CDH18: variants seen among roughly 807,000 people sequenced by gnomAD.
CDH18 encodes cadherin-18.
Under a neutral mutation model 67.9 loss-of-function variants are expected in CDH18, and 31 were observed. The ratio of observed to expected loss-of-function variants is 0.46; its 90% CI spans 0.34 to 0.62. The LOEUF is 0.62. CDH18 is among the 20% of genes least tolerant of loss of function. CDH18 has a pLI of 0.01. For missense variants in CDH18, 890 were observed against 975.5 expected (o/e 0.91, Z 1.17); for synonymous variants, 362 against 347.2 (o/e 1.04, Z -0.48).
chr5:20,105,355 A>C (rs1453937436), intron 2 of CDH18, among the ~76,000 whole-genome samples: 1 of 152,164 alleles, frequency 6.6e-6, no homozygotes, highest in Non-Finnish European at 1.5e-5. Context: ...GGAAAAGAAA[A>C]ACTTGAGAAA....
At chr5:20,472,141 G>A (rs1048638445) in intron 1 of CDH18, among the ~76,000 whole-genome samples, 5 of 152,226 alleles carry the variant, frequency 3.3e-5, no homozygotes, top group Middle Eastern at 3.4e-3. Context: ...CTTGACATGT[G>A]TTATCTTCTA....
intron 2 of CDH18, among the ~76,000 whole-genome samples, chr5:20,182,838 C>G (rs1486118668): frequency 6.6e-6 from 1 of 151,816 alleles, no homozygotes; most frequent in Non-Finnish European, 1.5e-5. Context: ...AAAAAAAAAT[C>G]TCTTCTTTGT....
intron 9 of CDH18, among the ~76,000 whole-genome samples, chr5:19,542,960 C>G (rs1306137325): frequency 6.6e-6 from 1 of 151,640 alleles, no homozygotes; most frequent in Non-Finnish European, 1.5e-5. Context: ...TGTTTTAGAC[C>G]CTCTGAAAGA....
intron 4 of CDH18, among the ~76,000 whole-genome samples, chr5:19,745,503 T>C (rs1054239546): frequency 6.6e-6 from 1 of 152,196 alleles, no homozygotes; most frequent in Non-Finnish European, 1.5e-5. Context: ...ATAGAGCTCG[T>C]TGCCTTCCTA....
intron 6 of CDH18, among the ~76,000 whole-genome samples, 159 bp downstream of exon 6, chr5:19,612,275 A>T (rs192986715): frequency 1.4e-3 from 219 of 152,298 alleles, no homozygotes; most frequent in African/African-American, 5.0e-3. Context: ...CAATAGCTGG[A>T]GTGATTTCAT....
chr5:20,266,571 A>ATTTTTTTTTTTTTTTTTTTT lies in CDH18; in HGVS notation c.-579-11086_-579-11067dup, dbSNP rs34718835. Among the ~76,000 whole-genome samples the ATTTTTTTTTTTTTTTTTTTT allele has an allele frequency of 6.4e-4, 38 of 59,186 alleles. 1 individual carries two copies. The highest frequency in any genetic ancestry group is 2.1e-3 in the African/African-American group (30 of 14,120). The allele number at this position is 59,186 out of a possible 152,430, so 38.8% of individuals were successfully genotyped here. ...GGCACGTGCCGGCACGCCCGGCTGA[A>ATTTTTTTTTTTTTTTTTTTT]TTTTTTTTTTTTTTTTTTTTTTTTT... On this transcript the variant is annotated intron_variant, in intron 1 of 14. Transcript: ENST00000507958.
At chr5:19,618,779 A>G (rs892393621) in intron 5 of CDH18, among the ~76,000 whole-genome samples, 2 of 152,020 alleles carry the variant, frequency 1.3e-5, no homozygotes, top group Non-Finnish European at 2.9e-5. Flanking sequence ...ATATCTATCT[A>G]TTTACCCACA....
intron 1 of CDH18, among the ~76,000 whole-genome samples, chr5:20,285,423 A>ATAATC (rs1746621547): frequency 1.4e-5 from 2 of 141,206 alleles, no homozygotes; most frequent in South Asian, 4.4e-4. Flanking sequence ...ATAATATAAT[A>ATAATC]TAATCATAAT....
At chr5:20,422,714 T>C (rs1376120699) in intron 1 of CDH18, among the ~76,000 whole-genome samples, 1 of 151,134 alleles carries the variant, frequency 6.6e-6, no homozygotes, top group Admixed American at 6.6e-5. Context: ...TTAATCACAA[T>C]ATATAATTTC....
At chr5:19,545,003 A>T (rs2127091136) in intron 8 of CDH18, among the ~76,000 whole-genome samples, 1 of 151,910 alleles carries the variant, frequency 6.6e-6, no homozygotes, top group East Asian at 1.9e-4. Flanking sequence ...TGAGTTTTGG[A>T]GTTATGTGTT....
intron 6 of CDH18, among the ~76,000 whole-genome samples, chr5:19,606,008 A>C (rs1476353118): frequency 6.6e-6 from 1 of 152,138 alleles, no homozygotes; most frequent in Non-Finnish European, 1.5e-5. Flanking sequence ...TGGAAGGCAA[A>C]GGCGCTAGGC....
At chr5:20,561,484 AG>A (rs1758211154) in intron 1 of CDH18, among the ~76,000 whole-genome samples, 1 of 152,070 alleles carries the variant, frequency 6.6e-6, no homozygotes, top group African/African-American at 2.4e-5. Context: ...CATCTTACTA[AG>A]TGAAAGAAAC....
intron 10 of CDH18, among the ~76,000 whole-genome samples, chr5:19,512,927 C>T (rs573618334): frequency 2.0e-5 from 3 of 151,978 alleles, no homozygotes; most frequent in East Asian, 1.9e-4. Flanking sequence ...CAAAAATGAT[C>T]CTGCCACCCT....
chr5:19,513,073 T>C (rs1429319920), intron 10 of CDH18, among the ~76,000 whole-genome samples: 1 of 152,016 alleles, frequency 6.6e-6, no homozygotes, highest in Non-Finnish European at 1.5e-5. Context: ...ATGAATTTAA[T>C]AAATACAACT....
intron 1 of CDH18, among the ~76,000 whole-genome samples, chr5:20,565,917 T>C (rs904808889): frequency 4.9e-4 from 74 of 152,264 alleles, no homozygotes; most frequent in African/African-American, 1.7e-3. Flanking sequence ...ACTGAAGAAT[T>C]TGGCCAAATC....
intron 10 of CDH18, among the ~76,000 whole-genome samples, chr5:19,508,475 T>C (rs1031772042): frequency 7.2e-5 from 11 of 152,134 alleles, no homozygotes; most frequent in Admixed American, 3.9e-4. Context: ...ATTTATCACA[T>C]ATACATGATC....
At chr5:19,993,633 C>A (rs949272118) in intron 2 of CDH18, among the ~76,000 whole-genome samples, 8 of 151,844 alleles carry the variant, frequency 5.3e-5, no homozygotes, top group African/African-American at 1.9e-4. Context: ...GATATATACA[C>A]ATATATATAG....
intron 5 of CDH18, among the ~76,000 whole-genome samples, chr5:19,617,351 T>G (rs529336581): frequency 2.6e-5 from 4 of 152,344 alleles, no homozygotes; most frequent in African/African-American, 9.6e-5. Flanking sequence ...TTTGTTTGGT[T>G]GGCCATTTCT....
intron 2 of CDH18, among the ~76,000 whole-genome samples, chr5:20,110,016 G>A (rs993508380): frequency 4.6e-5 from 7 of 152,118 alleles, no homozygotes; most frequent in African/African-American, 1.2e-4. Context: ...AGAAAGAGAG[G>A]CAGAGAGAGA....
Sources: gnomAD v4.1 joint callset for allele counts (sites outside exome capture counted in the v4.1 genomes callset) on GRCh38, gnomAD v4.1.1 for gene constraint, MANE v1.5 for transcripts, NCBI Gene and HGNC (gene_info 2026-07-23, HGNC 2026-07-21) for gene names.